Variants in UST observed in about 807,000 individuals in gnomAD.
UST encodes the protein chondroitin sulfate 2-O-sulfotransferase.
UST carries 21 observed loss-of-function variants against 45.6 expected under a neutral mutation model. The observed-to-expected ratio is 0.46, with a 90% confidence interval of 0.33 to 0.66. The LOEUF (loss-of-function observed/expected upper bound fraction) is 0.66, where lower values mean the gene tolerates loss of function less well. Ranked by LOEUF, UST falls within the 30% of genes least tolerant of loss-of-function variation. The pLI is 0.02. For synonymous variants in UST, 215 were observed against 200.6 expected, an observed-to-expected ratio of 1.07 and a Z score of -0.61; for missense variants, 463 against 512.4, an observed-to-expected ratio of 0.90 and a Z score of 0.93.
chr6:149,057,957 A>T (rs1776591493), intron 7 of UST, among the ~76,000 whole-genome samples: 1 of 152,256 alleles, frequency 6.6e-6, no homozygotes, highest in Non-Finnish European at 1.5e-5. Context: ...ACATATAGGT[A>T]AGTATATACA....
At chr6:149,048,544 AAAAAG>A (rs1410134305) in intron 7 of UST, among the ~76,000 whole-genome samples, 30 of 152,138 alleles carry the variant, frequency 2.0e-4, no homozygotes, top group African/African-American at 7.2e-4. Flanking sequence ...CAAAAAAAAA[AAAAAG>A]AGAGAGAGAG....
intron 5 of UST, among the ~76,000 whole-genome samples, chr6:149,016,182 G>A (rs1775894744): frequency 6.6e-6 from 1 of 152,214 alleles, no homozygotes; most frequent in Non-Finnish European, 1.5e-5. Context: ...GGAACTCTTT[G>A]AAATCCCCCA....
In UST at chr6:148,823,664, A is replaced by G. The variant is rs148637865; in HGVS notation, c.248-63322A>G. Among the ~76,000 whole-genome samples the G allele has an allele frequency of 2.7e-3, 407 of 152,338 alleles. 1 individual carries two copies. The highest frequency in any genetic ancestry group is 9.5e-3 in the African/African-American group (397 of 41,576). The stretch of plus-strand genomic sequence containing the variant: ...CCTTAATTTGGAAGGGTAGGAAATA[A>G]TAGCTTTCTTAAACTGTACCTCATG... On this transcript the variant is annotated intron_variant, in intron 1 of 7. Coordinates refer to ENST00000367463, the MANE Select transcript of UST (RefSeq NM_005715.3).
At chr6:148,947,987 T>C (rs974926303) in intron 3 of UST, among the ~76,000 whole-genome samples, 1 of 152,224 alleles carries the variant, frequency 6.6e-6, no homozygotes, top group African/African-American at 2.4e-5. Context: ...AGTTTTTCCT[T>C]TCCTTCCAGT....
chr6:148,955,659 A>G (rs944993269), intron 4 of UST: 2 of 152,276 alleles, frequency 1.3e-5, no homozygotes, highest in Non-Finnish European at 2.9e-5. Flanking sequence ...AAGGCTTATT[A>G]GCTCTTTCAG....
At chr6:148,962,098 T>G (rs1341444560) in intron 4 of UST, among the ~76,000 whole-genome samples, 1 of 152,252 alleles carries the variant, frequency 6.6e-6, no homozygotes, top group African/African-American at 2.4e-5. Flanking sequence ...GACACCTGTT[T>G]GTCATAGTTA....
At chr6:148,927,668 A>T (rs1779842270) in intron 2 of UST, among the ~76,000 whole-genome samples, 1 of 152,174 alleles carries the variant, frequency 6.6e-6, no homozygotes, top group Non-Finnish European at 1.5e-5. Context: ...GATGAAAAAA[A>T]ATGAGAAAGA....
intron 7 of UST, 128 bp downstream of exon 7, chr6:149,021,609 T>C: frequency 8.9e-7 from 1 of 1,124,902 alleles, no homozygotes; most frequent in Non-Finnish European, 1.2e-6. Context: ...GTTAGTTCCC[T>C]GGGCTTGCAA....
chr6:148,888,046 C>T (rs1259817367), intron 2 of UST, among the ~76,000 whole-genome samples: 2 of 152,084 alleles, frequency 1.3e-5, no homozygotes, highest in African/African-American at 2.4e-5. Context: ...AAGAAATACC[C>T]GAGACTGGGT....
chr6:149,011,259 T>G (rs1775806371), intron 5 of UST, among the ~76,000 whole-genome samples: 1 of 151,988 alleles, frequency 6.6e-6, no homozygotes, highest in Admixed American at 6.6e-5. Context: ...GAGCTAAAAA[T>G]TAAGATAATT....
At chr6:148,843,736 G>A (rs1247546216) in intron 1 of UST, among the ~76,000 whole-genome samples, 1 of 152,172 alleles carries the variant, frequency 6.6e-6, no homozygotes, top group Non-Finnish European at 1.5e-5. Flanking sequence ...ATGCAAATGG[G>A]CCTAGCAAGT....
intron 1 of UST, among the ~76,000 whole-genome samples, chr6:148,837,911 C>T (rs1777818761): frequency 6.6e-6 from 1 of 152,202 alleles, no homozygotes; most frequent in Non-Finnish European, 1.5e-5. Flanking sequence ...CCATGTTGCT[C>T]AGGCTGGTCT....
At chr6:148,990,960 C>T (rs1026629372) in intron 5 of UST, among the ~76,000 whole-genome samples, 4 of 152,122 alleles carry the variant, frequency 2.6e-5, no homozygotes, top group Non-Finnish European at 5.9e-5. Context: ...CTCTCCTAAG[C>T]CCTGGAACAG....
At chr6:149,048,906 G>A (rs1272304602) in intron 7 of UST, among the ~76,000 whole-genome samples, 1 of 152,214 alleles carries the variant, frequency 6.6e-6, no homozygotes, top group Non-Finnish European at 1.5e-5. Context: ...TGGCGCCTCA[G>A]GAGACTCCTA....
intron 5 of UST, among the ~76,000 whole-genome samples, chr6:148,988,573 C>CAAAA (rs760248567): frequency 4.6e-5 from 4 of 86,908 alleles, no homozygotes; most frequent in South Asian, 5.1e-4. Flanking sequence ...GACCCTGTCT[C>CAAAA]AAAAAAAAAA....
At chr6:149,055,507 T>C (rs1363811293) in intron 7 of UST, among the ~76,000 whole-genome samples, 2 of 152,084 alleles carry the variant, frequency 1.3e-5, no homozygotes, top group Non-Finnish European at 2.9e-5. Context: ...TTAAGAATGC[T>C]TTGAATGTCA....
intron 2 of UST, among the ~76,000 whole-genome samples, chr6:148,929,903 C>G (rs555896049): frequency 6.6e-6 from 1 of 152,254 alleles, no homozygotes; most frequent in South Asian, 2.1e-4. Context: ...GTGCAACACA[C>G]AGACACACAC....
At chr6:149,071,138 G>C (rs369982701) in intron 7 of UST, among the ~76,000 whole-genome samples, 1 of 152,114 alleles carries the variant, frequency 6.6e-6, no homozygotes, top group African/African-American at 2.4e-5. Context: ...TCAAATAATA[G>C]GTCTTATTCA....
At chr6:148,801,453 G>A (rs574666230) in intron 1 of UST, among the ~76,000 whole-genome samples, 9 of 152,156 alleles carry the variant, frequency 5.9e-5, no homozygotes, top group Non-Finnish European at 1.3e-4. Flanking sequence ...ATGGCAGTGA[G>A]CTTCCAATTA....
Sources: gnomAD v4.1 joint callset for allele counts (sites outside exome capture counted in the v4.1 genomes callset) on GRCh38, gnomAD v4.1.1 for gene constraint, MANE v1.5 for transcripts, NCBI Gene and HGNC (gene_info 2026-07-23, HGNC 2026-07-21) for gene names.